FNDC3B: variants seen among roughly 807,000 people sequenced by gnomAD.
The protein encoded by FNDC3B is fibronectin type III domain-containing protein 3B.
In FNDC3B, 12 loss-of-function variants were observed where a neutral mutation model predicts 151.5. The observed-to-expected ratio is 0.08, with a 90% CI of 0.05 to 0.13. The LOEUF (loss-of-function observed/expected upper bound fraction) is 0.13, where lower values mean the gene tolerates loss of function less well. FNDC3B is among the 10% of genes least tolerant of loss of function. FNDC3B has a pLI of 1.00. For missense variants in FNDC3B, 1,214 were observed against 1,505.3 expected (o/e 0.81, Z 3.20); for synonymous variants, 528 against 549.0 (o/e 0.96, Z 0.54).
chr3:172,143,132 A>G (rs1559985980), intron 3 of FNDC3B, among the ~76,000 whole-genome samples: 1 of 152,214 alleles, frequency 6.6e-6, no homozygotes, highest in African/African-American at 2.4e-5. Context: ...AGACAGTGAT[A>G]GTACTGCTGA....
At chr3:172,276,354 T>G (rs1729432228) in intron 6 of FNDC3B, among the ~76,000 whole-genome samples, 1 of 152,140 alleles carries the variant, frequency 6.6e-6, no homozygotes, top group South Asian at 2.1e-4. Context: ...TAGGGCAAAT[T>G]TAGTGTCCAA....
In FNDC3B at chr3:172,401,524, C is replaced by G. The variant is rs1278825567; in HGVS notation, c.*4049C>G. The G allele has an allele frequency of 1.3e-5, 2 of 152,328 alleles. No individual in the cohort carries two copies. Among genetic ancestry groups the G allele is most frequent in the African/African-American group, 4.8e-5 (2 of 41,464 alleles). The allele number at this position is 152,328 out of a possible 1,614,324, so 9.4% of individuals were successfully genotyped here. ...AATACTTTATCTGTCTACCAAAACT[C>G]AGTCCAGATCTCCCTCTGTTCACCT... On this transcript the variant is annotated 3_prime_UTR_variant, in exon 26 of 26. Coordinates refer to ENST00000415807, the MANE Select transcript of FNDC3B (RefSeq NM_022763.4).
chr3:172,059,442 A>G (rs1717079641), intron 1 of FNDC3B, among the ~76,000 whole-genome samples: 1 of 152,168 alleles, frequency 6.6e-6, no homozygotes, highest in Non-Finnish European at 1.5e-5. Flanking sequence ...AAAGGACTTA[A>G]AAGGCTTTGA....
intron 2 of FNDC3B, 144 bp downstream of exon 2, chr3:172,112,734 G>A: frequency 3.1e-6 from 2 of 647,468 alleles, no homozygotes. Flanking sequence ...TAGAAATACT[G>A]TATCGTTTTT....
At chr3:172,209,872 C>T (rs1156712473) in intron 3 of FNDC3B, among the ~76,000 whole-genome samples, 1 of 152,278 alleles carries the variant, frequency 6.6e-6, no homozygotes, top group African/African-American at 2.4e-5. Context: ...TTCCCATGCT[C>T]GTTGGTGCCC....
In FNDC3B at chr3:172,226,833, G is replaced by A; in HGVS notation, c.188-38G>A. 8 of 1,231,426 alleles carry A rather than the reference G, an allele frequency of 6.5e-6. No individual in the cohort carries two copies. The South Asian group carries it at 9.6e-5, about 15-fold the overall frequency. 76.3% of individuals were successfully genotyped at this position (1,231,426 alleles called of 1,614,324 possible). ...ACATTAATTATTTTGAATAATGTAT[G>A]TTTCTTCAGCTATTAACATCTGACT... On this transcript the variant is annotated intron_variant, in intron 3 of 25. Transcript: ENST00000415807.
intron 1 of FNDC3B, among the ~76,000 whole-genome samples, chr3:172,063,369 T>C (rs943943545): frequency 6.6e-6 from 1 of 152,216 alleles, no homozygotes; most frequent in Non-Finnish European, 1.5e-5. Flanking sequence ...ACAGTTTTCT[T>C]TGATAGTGAT....
At chr3:172,085,860 A>C (rs1718525066) in intron 1 of FNDC3B, among the ~76,000 whole-genome samples, 1 of 152,230 alleles carries the variant, frequency 6.6e-6, no homozygotes, top group South Asian at 2.1e-4. Context: ...TCGGATGTTA[A>C]AAGTGCATGG....
intron 3 of FNDC3B, among the ~76,000 whole-genome samples, chr3:172,159,090 A>T (rs890539232): frequency 6.6e-6 from 1 of 152,154 alleles, no homozygotes; most frequent in African/African-American, 2.4e-5. Flanking sequence ...ACCAGCTTGA[A>T]CAACATGGTG....
intron 1 of FNDC3B, among the ~76,000 whole-genome samples, chr3:172,054,411 CT>C (rs1355059617): frequency 6.6e-6 from 1 of 152,210 alleles, no homozygotes; most frequent in Admixed American, 6.5e-5. Context: ...TCGACTCCAT[CT>C]TTAGAAAGTG....
At chr3:172,175,471 C>T (rs1302040024) in intron 3 of FNDC3B, among the ~76,000 whole-genome samples, 3 of 152,088 alleles carry the variant, frequency 2.0e-5, no homozygotes, top group Admixed American at 6.5e-5. Context: ...TCAACTGGGA[C>T]CTACTATTCT....
chr3:172,147,583 G>T (rs1041820509), intron 3 of FNDC3B, among the ~76,000 whole-genome samples: 3 of 152,148 alleles, frequency 2.0e-5, no homozygotes, highest in Non-Finnish European at 4.4e-5. Context: ...TCAACAGGTA[G>T]TCTCGGTTCT....
intron 1 of FNDC3B, among the ~76,000 whole-genome samples, chr3:172,080,559 T>G (rs150612376): frequency 1.3e-3 from 191 of 152,200 alleles, no homozygotes; most frequent in African/African-American, 4.5e-3. Context: ...ATTACAGGTG[T>G]GAGGCACTGT....
intron 11 of FNDC3B, chr3:172,321,604 A>G (rs1732084521): frequency 5.3e-6 from 1 of 187,340 alleles, no homozygotes; most frequent in Non-Finnish European, 1.1e-5. Flanking sequence ...GCAGTGGCAC[A>G]GTCTCGGCTC....
intron 3 of FNDC3B, among the ~76,000 whole-genome samples, chr3:172,202,442 A>G (rs911859723): frequency 3.3e-5 from 5 of 151,736 alleles, no homozygotes; most frequent in African/African-American, 9.7e-5. Context: ...TGTATTCTAC[A>G]AGAAGACCAG....
At chr3:172,346,519 G>A in intron 20 of FNDC3B, 79 bp downstream of exon 20, 3 of 807,678 alleles carry the variant, frequency 3.7e-6, no homozygotes, top group Admixed American at 2.5e-5. Context: ...TAAGGAAGCT[G>A]CAAATCCAAA....
chr3:172,159,763 GAGAAAAA>G (rs1559994172), intron 3 of FNDC3B, among the ~76,000 whole-genome samples: 1 of 152,172 alleles, frequency 6.6e-6, no homozygotes, highest in African/African-American at 2.4e-5. Context: ...AAAAGGTTTT[GAGAAAAA>G]AGTTAGGTTC....
At chr3:172,115,834 A>C (rs1181796838) in intron 2 of FNDC3B, among the ~76,000 whole-genome samples, 6 of 152,202 alleles carry the variant, frequency 3.9e-5, no homozygotes, top group Non-Finnish European at 7.3e-5. Flanking sequence ...GTATGTATTT[A>C]CAGCGTTCTT....
At chr3:172,249,165 A>G (rs529259409) in intron 5 of FNDC3B, among the ~76,000 whole-genome samples, 58 of 152,292 alleles carry the variant, frequency 3.8e-4, no homozygotes, top group Non-Finnish European at 4.6e-4. Context: ...AGTGTTTCTT[A>G]GAGCTTTCTG....
Sources: allele counts gnomAD v4.1 joint callset (sites outside exome capture counted in the v4.1 genomes callset), GRCh38; gene constraint gnomAD v4.1.1; transcripts MANE v1.5; gene names NCBI Gene and HGNC (gene_info 2026-07-23, HGNC 2026-07-21).